Variants in ERBB4 observed in about 807,000 individuals in gnomAD.
ERBB4 encodes erb-b2 receptor tyrosine kinase 4, also known as receptor tyrosine-protein kinase erbB-4.
A neutral mutation model predicts 158.0 loss-of-function variants in ERBB4; 42 were observed. The observed-to-expected ratio is 0.27, with a 90% CI of 0.21 to 0.34. The LOEUF is 0.34. Among genes scored for constraint, ERBB4 ranks in the 10% least tolerant of loss-of-function variants. The pLI is 1.00. For missense variants in ERBB4, 1,333 were observed against 1,624.1 expected (o/e 0.82, Z 3.08); for synonymous variants, 583 against 558.7 (o/e 1.04, Z -0.61).
chr2:212,404,977 T>C (rs749809682), intron 1 of ERBB4, among the ~76,000 whole-genome samples: 11 of 152,084 alleles, frequency 7.2e-5, no homozygotes, highest in Non-Finnish European at 1.6e-4. Context: ...ACAAAATACA[T>C]GATCTCATTC....
chr2:212,351,435 A>G (rs1176423471), intron 1 of ERBB4, among the ~76,000 whole-genome samples: 1 of 152,222 alleles, frequency 6.6e-6, no homozygotes, highest in East Asian at 1.9e-4. Flanking sequence ...TAAAACAGTG[A>G]GAATGACAGA....
intron 16 of ERBB4, among the ~76,000 whole-genome samples, chr2:211,645,872 T>A (rs2070767037): frequency 6.6e-6 from 1 of 151,736 alleles, no homozygotes; most frequent in South Asian, 2.1e-4. Flanking sequence ...AACTTGAATA[T>A]TTTCATGTAT....
chr2:211,446,778 T>C (rs1044556447), intron 20 of ERBB4, among the ~76,000 whole-genome samples: 4 of 150,158 alleles, frequency 2.7e-5, no homozygotes, highest in African/African-American at 9.7e-5. Flanking sequence ...TAGGTTTTTT[T>C]TAAAGCAAAC....
At chr2:211,799,018 G>T (rs1425395777) in intron 3 of ERBB4, among the ~76,000 whole-genome samples, 4 of 152,060 alleles carry the variant, frequency 2.6e-5, no homozygotes, top group African/African-American at 9.7e-5. Context: ...TCAGGTTGGT[G>T]CATAGTTCGT....
chr2:211,395,933 G>C (rs1180433639), intron 25 of ERBB4, among the ~76,000 whole-genome samples: 1 of 151,502 alleles, frequency 6.6e-6, no homozygotes, highest in South Asian at 2.1e-4. Flanking sequence ...CTCCAGATCT[G>C]TCTATGCAAT....
chr2:211,588,100 G>T (rs910497629), intron 19 of ERBB4, among the ~76,000 whole-genome samples: 1 of 152,130 alleles, frequency 6.6e-6, no homozygotes, highest in Non-Finnish European at 1.5e-5. Flanking sequence ...AAATAGCAAG[G>T]TATGGAATTA....
At chr2:211,580,812 A>ATAT (rs1203397849) in intron 19 of ERBB4, among the ~76,000 whole-genome samples, 1 of 48,266 alleles carries the variant, frequency 2.1e-5, no homozygotes, top group African/African-American at 1.1e-4. Context: ...ATATATATAT[A>ATAT]ATATATATAT....
intron 2 of ERBB4, among the ~76,000 whole-genome samples, chr2:212,054,572 T>C (rs1312433722): frequency 6.6e-6 from 1 of 152,200 alleles, no homozygotes; most frequent in Non-Finnish European, 1.5e-5. Context: ...TGGTTTCTTC[T>C]AGCAGGTCCC....
intron 7 of ERBB4, among the ~76,000 whole-genome samples, chr2:211,715,508 C>T (rs1157800993): frequency 6.6e-6 from 1 of 152,116 alleles, no homozygotes; most frequent in Non-Finnish European, 1.5e-5. Context: ...ATCTGTGTCC[C>T]CACCCAAATC....
At chr2:212,090,492 C>G (rs2078741352) in intron 2 of ERBB4, among the ~76,000 whole-genome samples, 1 of 152,108 alleles carries the variant, frequency 6.6e-6, no homozygotes, top group Non-Finnish European at 1.5e-5. Context: ...TCAAACTGGT[C>G]TATCCTATAG....
chr2:211,565,205 C>T (rs770647587), intron 19 of ERBB4, among the ~76,000 whole-genome samples: 24 of 152,152 alleles, frequency 1.6e-4, no homozygotes, highest in East Asian at 7.7e-4. Context: ...ATCATACTTA[C>T]GATACAGCAC....
chr2:211,803,989 G>A (rs2076557271), intron 3 of ERBB4, among the ~76,000 whole-genome samples: 1 of 152,110 alleles, frequency 6.6e-6, no homozygotes, highest in African/African-American at 2.4e-5. Flanking sequence ...CATACTTCTT[G>A]TCATCATTTG....
At chr2:212,315,075 A>G (rs747452738) in intron 1 of ERBB4, among the ~76,000 whole-genome samples, 8 of 151,444 alleles carry the variant, frequency 5.3e-5, no homozygotes, top group East Asian at 2.0e-4. Flanking sequence ...ACCAAAACAG[A>G]TAAGTTTTAA....
At position 211,430,942 on chromosome 2, in the gene ERBB4, C is replaced by T. The variant is rs2125429192; in HGVS notation, c.2643+3G>A. The stretch of plus-strand genomic sequence containing the variant: ...GCAAGATTGCTCTCAAAAAGATACC[C>T]ACCTTTCCTCCATCAGCATTGTACT... On this transcript the variant is annotated splice_donor_region_variant and intron_variant, in intron 21 of 27. Transcript: ENST00000342788. 1 of 1,611,604 alleles carries T rather than the reference C, an allele frequency of 6.2e-7. No homozygotes were observed. Among genetic ancestry groups the T allele is most frequent in the South Asian group, 1.1e-5 (1 of 91,024 alleles).
chr2:211,791,595 G>C (rs545306633), intron 3 of ERBB4, among the ~76,000 whole-genome samples: 1 of 151,806 alleles, frequency 6.6e-6, no homozygotes, highest in Non-Finnish European at 1.5e-5. Flanking sequence ...AAAATTATCA[G>C]AGTAAATTGA....
chr2:212,336,571 G>C (rs61696052), intron 1 of ERBB4, among the ~76,000 whole-genome samples: 53,659 of 151,874 alleles, frequency 0.35, 11,450 homozygotes, highest in East Asian at 0.78. Flanking sequence ...TACATTTCTT[G>C]TTTATTTTGA....
intron 1 of ERBB4, among the ~76,000 whole-genome samples, chr2:212,217,881 T>A (rs1022254169): frequency 6.6e-6 from 1 of 151,250 alleles, no homozygotes; most frequent in Non-Finnish European, 1.5e-5. Context: ...TCTTAGAACA[T>A]AATAAATGCC....
chr2:211,795,953 C>T (rs1289447673), intron 3 of ERBB4, among the ~76,000 whole-genome samples: 1 of 151,836 alleles, frequency 6.6e-6, no homozygotes, highest in South Asian at 2.1e-4. Context: ...AACCTCGCAT[C>T]TTCTGGATAT....
chr2:212,414,349 T>TA (rs1489239826), intron 1 of ERBB4, among the ~76,000 whole-genome samples: 6 of 152,208 alleles, frequency 3.9e-5, no homozygotes, highest in African/African-American at 1.4e-4. Context: ...TAAGGACTTT[T>TA]AAAAATCAAA....
Sources: gnomAD v4.1 joint callset for allele counts (sites outside exome capture counted in the v4.1 genomes callset) on GRCh38, gnomAD v4.1.1 for gene constraint, MANE v1.5 for transcripts, NCBI Gene and HGNC (gene_info 2026-07-23, HGNC 2026-07-21) for gene names.